SECISBP2L: variants seen among roughly 807,000 people sequenced by gnomAD.
SECISBP2L encodes SECIS binding protein 2 like, also known as selenocysteine insertion sequence-binding protein 2-like.
SECISBP2L carries 43 observed loss-of-function variants against 114.7 expected under a neutral mutation model. The observed-to-expected ratio is 0.38, with a 90% CI of 0.29 to 0.48. SECISBP2L has a LOEUF of 0.48. Ranked by LOEUF, SECISBP2L falls within the 20% of genes least tolerant of loss-of-function variation. SECISBP2L has a pLI of 0.98. For missense variants in SECISBP2L, 1,136 were observed against 1,301.1 expected, an observed-to-expected ratio of 0.87 and a Z score of 1.95; for synonymous variants, 451 against 439.7, an observed-to-expected ratio of 1.03 and a Z score of -0.32.
chr15:49,043,964 GT>G (rs199931690), intron 1 of SECISBP2L, among the ~76,000 whole-genome samples: 10 of 148,056 alleles, frequency 6.8e-5, no homozygotes, highest in African/African-American at 1.5e-4. Context: ...AAAAAAAAGC[GT>G]TTTTTTTTTA....
intron 7 of SECISBP2L, among the ~76,000 whole-genome samples, chr15:49,025,754 A>T (rs771110052): frequency 1.3e-5 from 2 of 152,190 alleles, no homozygotes; most frequent in Admixed American, 1.3e-4. Flanking sequence ...GAGGATGCAG[A>T]GAAAAGGAAA....
chr15:49,016,391 C>G, intron 11 of SECISBP2L, 169 bp downstream of exon 11: 1 of 517,058 alleles, frequency 1.9e-6, no homozygotes, highest in Non-Finnish European at 3.2e-6. Context: ...TCAAGGCTTG[C>G]GGTTTAAGCT....
chr15:49,001,082 A>T lies in SECISBP2L; in HGVS notation c.2043T>A (p.Val681=), dbSNP rs1484864079. 1 of 1,609,906 alleles carries T rather than the reference A, an allele frequency of 6.2e-7. No individual in the cohort carries two copies. The highest frequency in any genetic ancestry group is 8.5e-7 in the Non-Finnish European group (1 of 1,178,664). Residue 681 remains valine, a synonymous_variant, in exon 15 of 18, where the codon GTT becomes GTA. Coordinates refer to ENST00000559471, the MANE Select transcript of SECISBP2L (RefSeq NM_001193489.2). The part of the protein sequence containing the change: ...SKRFREYCNQ[V]LCKEIDECVT... ...CACATTCATCAATCTCTTTACAAAG[A>T]ACCTGATTACAATACCTGTAAAAAA... is the stretch of plus-strand genomic sequence containing the variant.
chr15:49,012,887 C>A, intron 11 of SECISBP2L, 70 bp from the exon 12 acceptor site: 1 of 1,480,806 alleles, frequency 6.8e-7, no homozygotes, highest in Non-Finnish European at 9.2e-7. Flanking sequence ...TTTCCAATAA[C>A]TACAAAAACA....
chr15:48,991,987 GTCT>G lies in SECISBP2L; in HGVS notation c.*254_*256del, dbSNP rs1295875880. 41 of 353,466 alleles carry G rather than the reference GTCT, an allele frequency of 1.2e-4. No individual in the cohort carries two copies. The East Asian group carries it at 1.7e-3, about 15-fold the overall frequency. 21.9% of individuals were successfully genotyped at this position (353,466 alleles called of 1,614,324 possible). A position where few individuals can be genotyped will look rare whatever the true frequency, so the allele number is the denominator to read the frequency against. On this transcript the variant is annotated 3_prime_UTR_variant, in exon 18 of 18. Coordinates refer to ENST00000559471, the MANE Select transcript of SECISBP2L (RefSeq NM_001193489.2). ...TGAAATTTATTTTCTTTAAGATCTG[GTCT>G]TCTTTTTATCACTGTTTTTGATTAC... is the stretch of plus-strand genomic sequence containing the variant.
chr15:49,012,018 CTG>C (rs1902447025), intron 12 of SECISBP2L, among the ~76,000 whole-genome samples, 155 bp from the exon 13 acceptor site: 1 of 151,884 alleles, frequency 6.6e-6, no homozygotes, highest in Non-Finnish European at 1.5e-5. Context: ...ATTTCAGACA[CTG>C]TAAGTTGAAG....
At chr15:49,010,662 T>C (rs1368474597) in intron 13 of SECISBP2L, among the ~76,000 whole-genome samples, 1 of 152,136 alleles carries the variant, frequency 6.6e-6, no homozygotes, top group African/African-American at 2.4e-5. Context: ...AAATATGAGC[T>C]ACCATGCCCA....
Position 49,003,156 on chromosome 15 carries a change from G to GA in SECISBP2L, c.2028-2060_2028-2059insT, listed in dbSNP as rs1209603038. Among the ~76,000 whole-genome samples the GA allele has an allele frequency of 3.7e-5, 3 of 80,112 alleles. No homozygotes were observed. In the East Asian group the frequency reaches 6.8e-4, roughly 18 times the overall value. The allele number at this position is 80,112 out of a possible 152,430, so 52.6% of individuals were successfully genotyped here. A position where few individuals can be genotyped will look rare whatever the true frequency, so the allele number is the denominator to read the frequency against. On this transcript the variant is annotated intron_variant, in intron 14 of 17. Coordinates refer to ENST00000559471, the MANE Select transcript of SECISBP2L (RefSeq NM_001193489.2). Reference sequence around the variant, plus strand: ...AGTGGTTTGTAATTCTCCTTGAAGAGTTCCTTCACATCCCTTGTAAGTTGG... The same window carrying GA: ...AGTGGTTTGTAATTCTCCTTGAAGAGATTCCTTCACATCCCTTGTAAGTTGG...
intron 14 of SECISBP2L, among the ~76,000 whole-genome samples, chr15:49,006,484 T>G (rs1902327025): frequency 6.6e-6 from 1 of 152,154 alleles, no homozygotes; most frequent in Non-Finnish European, 1.5e-5. Flanking sequence ...CTTCACGATT[T>G]ATTTCATTAA....
Position 49,033,030 on chromosome 15 carries a change from GTTTC to G in SECISBP2L, c.595_598del (p.Glu199GlnfsTer16). ...TCGACTATCAGGACCTGCTGCATTT[GTTTC>G]TTTCTGAGTAGCTACATTTTTCACC... On this transcript the variant is annotated frameshift_variant, in exon 4 of 18. Transcript: ENST00000559471. LOFTEE classifies it high-confidence loss of function. The G allele has an allele frequency of 6.2e-7, 1 of 1,613,942 alleles. No individual in the cohort carries two copies. The highest frequency in any genetic ancestry group is 2.2e-5 in the East Asian group (1 of 44,856).
At chr15:49,046,229 G>A (rs756524900) in intron 1 of SECISBP2L, 47 bp downstream of exon 1, 9 of 1,566,218 alleles carry the variant, frequency 5.7e-6, no homozygotes, top group South Asian at 1.2e-5. Flanking sequence ...GTGAGGAAGC[G>A]GCGACCCCAA....
At position 49,000,912 on chromosome 15, in the gene SECISBP2L, A is replaced by G; in HGVS notation, c.2213T>C (p.Ile738Thr). The part of the protein sequence containing the change: ...HMKLNKIKCV[I>T]ISPNCEKIQS... ...GATTTTTTCACAGTTTGGAGAAATT[A>G]TAACACACTTGATCTTGTTTAACTT... The change falls in exon 15 of 18, where the codon ATA becomes ACA. Residue 738 changes from isoleucine (I) to threonine (T), a missense_variant. This residue lies in a region of SECISBP2L where 684 missense variants were observed against 848.7 expected (regional missense o/e 0.81). Transcript: ENST00000559471. 1 of 1,613,408 alleles carries G rather than the reference A, an allele frequency of 6.2e-7. No homozygotes were observed. Among genetic ancestry groups the G allele is most frequent in the Non-Finnish European group, 8.5e-7 (1 of 1,179,744 alleles).
At position 49,028,632 on chromosome 15, in the gene SECISBP2L, TTGTTGC is replaced by T; in HGVS notation, c.709_714del (p.Ala237_Thr238del). On this transcript the variant is annotated inframe_deletion, in exon 5 of 18. Coordinates refer to ENST00000559471, the MANE Select transcript of SECISBP2L (RefSeq NM_001193489.2). ...CTCCTGCCCTTGGACTTCCAGAGCA[TTGTTGC>T]AGTGGTCTCTGAGAGAGACTTGTTA... The T allele has an allele frequency of 6.2e-7, 1 of 1,614,148 alleles. No individual in the cohort carries two copies.
chr15:49,004,330 T>C (rs562954242), intron 14 of SECISBP2L, among the ~76,000 whole-genome samples: 1 of 152,306 alleles, frequency 6.6e-6, no homozygotes, highest in South Asian at 2.1e-4. Context: ...TCTTCTCTCT[T>C]TTCTATTAGT....
chr15:48,996,221 T>C (rs749612295), intron 17 of SECISBP2L, 146 bp downstream of exon 17: 21 of 712,692 alleles, frequency 2.9e-5, no homozygotes, highest in Non-Finnish European at 4.3e-5. Flanking sequence ...TGATTTTTAA[T>C]GAACATGTTT....
chr15:48,993,037 T>C (rs1902017447), intron 17 of SECISBP2L, 111 bp from the exon 18 acceptor site: 2 of 952,730 alleles, frequency 2.1e-6, no homozygotes, highest in Non-Finnish European at 3.1e-6. Flanking sequence ...ATTTGTTGGC[T>C]TAGAAACTGA....
chr15:49,037,620 G>C lies in SECISBP2L; in HGVS notation c.174C>G (p.Tyr58Ter). ...TPIPSYLITC[Y>*]PFVQENQSNR... ...TGGACTGGTTTTCCTGCACAAATGG[G>C]TAACAAGTAATCAGGTAGCTGGGAA... Residue 58 changes from tyrosine (Y) to a stop codon, truncating the protein, a stop_gained, in exon 2 of 18, where the codon TAC becomes TAG. Coordinates refer to ENST00000559471, the MANE Select transcript of SECISBP2L (RefSeq NM_001193489.2). LOFTEE classifies it high-confidence loss of function. 1 of 1,613,584 alleles carries C rather than the reference G, an allele frequency of 6.2e-7. No individual in the cohort carries two copies. Among genetic ancestry groups the C allele is most frequent in the Non-Finnish European group, 8.5e-7 (1 of 1,179,836 alleles).
At chr15:49,025,672 C>A (rs1902727071) in intron 7 of SECISBP2L, among the ~76,000 whole-genome samples, 1 of 151,790 alleles carries the variant, frequency 6.6e-6, no homozygotes, top group South Asian at 2.1e-4. Context: ...CATATCAAAA[C>A]CATAATGAGG....
chr15:48,989,113 A>G lies in SECISBP2L; in HGVS notation c.*3131T>C, dbSNP rs1476414274. On this transcript the variant is annotated 3_prime_UTR_variant, in exon 18 of 18. Coordinates refer to ENST00000559471, the MANE Select transcript of SECISBP2L (RefSeq NM_001193489.2). Reference sequence around the variant, plus strand: ...TAACCTGTTGGCCCAACATACAGAAAATACATGACAAGGGTGTTTTTTTTT... The same window carrying G: ...TAACCTGTTGGCCCAACATACAGAAGATACATGACAAGGGTGTTTTTTTTT... 1.4e-5 allele frequency: 2 copies of G among 141,966 alleles called. No homozygotes were observed. The highest frequency in any genetic ancestry group is 3.1e-5 in the Non-Finnish European group (2 of 63,918). 8.8% of individuals were successfully genotyped at this position (141,966 alleles called of 1,614,324 possible).
Sources: allele counts gnomAD v4.1 joint callset (sites outside exome capture counted in the v4.1 genomes callset), GRCh38; gene constraint gnomAD v4.1.1; regional missense constraint gnomAD v4.1.1; transcripts MANE v1.5; gene names NCBI Gene and HGNC (gene_info 2026-07-23, HGNC 2026-07-21).